MAML3: variants seen among roughly 807,000 people sequenced by gnomAD.
MAML3 encodes the protein mastermind-like protein 3.
A neutral mutation model predicts 101.9 loss-of-function variants in MAML3; 27 were observed. That is an observed-to-expected ratio of 0.27 (90% CI 0.20 to 0.37). The LOEUF is 0.37. Among genes scored for constraint, MAML3 ranks in the 10% least tolerant of loss-of-function variants. The probability of loss-of-function intolerance (pLI) is 1.00; values close to 1 mark genes in which losing one functional copy is unlikely to be tolerated. For missense variants in MAML3, 1,316 were observed against 1,444.9 expected (o/e 0.91, Z 1.45); for synonymous variants, 501 against 555.9 (o/e 0.90, Z 1.39).
intron 3 of MAML3, among the ~76,000 whole-genome samples, chr4:139,726,650 A>G (rs1728484419): frequency 6.6e-6 from 1 of 150,874 alleles, no homozygotes; most frequent in Non-Finnish European, 1.5e-5. Flanking sequence ...TATTCCCATG[A>G]AGCCACACTG....
chr4:140,152,981 C>T lies in MAML3; in HGVS notation c.347G>A (p.Arg116Gln). ...ERRDTVSLYQRTLEQRAKKSG... is the reference protein window; with the variant it reads ...ERRDTVSLYQQTLEQRAKKSG... ...TTTCTTGGCCCTCTGCTCCAGGGTC[C>T]GCTGGTAGAGGCTCACGGTGTCCCG... Residue 116 changes from arginine (R) to glutamine (Q), a missense_variant, in exon 1 of 5, where the codon CGG becomes CAG. Transcript: ENST00000509479. The T allele has an allele frequency of 6.2e-7, 1 of 1,610,476 alleles. No individual in the cohort carries two copies. The highest frequency in any genetic ancestry group is 8.5e-7 in the Non-Finnish European group (1 of 1,178,558).
chr4:139,719,116 C>T lies in MAML3; in HGVS notation c.*207G>A, dbSNP rs763042999. On this transcript the variant is annotated 3_prime_UTR_variant, in exon 5 of 5. Coordinates refer to ENST00000509479, the MANE Select transcript of MAML3 (RefSeq NM_018717.5). ...CGCAGCCGGGATCTGCATGGCGTCT[C>T]ATCTCGATTGCTGTGTGAAAATCAG... 6.9e-6 allele frequency: 4 copies of T among 578,170 alleles called. No individual in the cohort carries two copies. The highest frequency in any genetic ancestry group is 1.2e-5 in the Non-Finnish European group (4 of 340,774). 35.8% of individuals were successfully genotyped at this position (578,170 alleles called of 1,614,324 possible). A position where few individuals can be genotyped will look rare whatever the true frequency, so the allele number is the denominator to read the frequency against.
At chr4:140,057,576 C>T (rs1727370231) in intron 1 of MAML3, among the ~76,000 whole-genome samples, 1 of 152,106 alleles carries the variant, frequency 6.6e-6, no homozygotes, top group Non-Finnish European at 1.5e-5. Flanking sequence ...CTTTCTAAAA[C>T]ATTAGATATT....
At chr4:139,721,639 T>G (rs1400890037) in intron 4 of MAML3, among the ~76,000 whole-genome samples, 2 of 152,212 alleles carry the variant, frequency 1.3e-5, no homozygotes, top group African/African-American at 4.8e-5. Context: ...GAAAGAAAAT[T>G]ACTGGAATTT....
chr4:139,888,712 T>C (rs779003564), intron 2 of MAML3: 18 of 514,670 alleles, frequency 3.5e-5, no homozygotes, highest in Non-Finnish European at 6.2e-5. Context: ...TTTCCTGAAA[T>C]AGAGCTGATT....
At chr4:139,954,647 G>A (rs1010056775) in intron 1 of MAML3, among the ~76,000 whole-genome samples, 17 of 152,174 alleles carry the variant, frequency 1.1e-4, no homozygotes, top group Non-Finnish European at 1.8e-4. Flanking sequence ...TTTATGGAAC[G>A]GGGGTGGATG....
intron 1 of MAML3, among the ~76,000 whole-genome samples, chr4:139,993,337 G>A (rs1486716744): frequency 1.7e-5 from 2 of 120,716 alleles, no homozygotes; most frequent in Non-Finnish European, 3.4e-5. Flanking sequence ...GGGTGACAGA[G>A]TGAGACTCCA....
rs148046922 is a variant in MAML3, at chr4:140,033,287, T to C, written c.468+119573A>G. Among the ~76,000 whole-genome samples the C allele has an allele frequency of 3.9e-4, 59 of 152,202 alleles. 1 individual carries two copies. Among genetic ancestry groups the C allele is most frequent in the Non-Finnish European group, 7.6e-4 (52 of 68,026 alleles). On this transcript the variant is annotated intron_variant, in intron 1 of 4. Transcript: ENST00000509479. The stretch of plus-strand genomic sequence containing the variant: ...AAACATATGAAAAGATGACCATGAA[T>C]AGAGGCCGTAATTAATTTCCAAATA...
At chr4:139,783,748 C>A (rs1386245910) in intron 2 of MAML3, among the ~76,000 whole-genome samples, 1 of 152,144 alleles carries the variant, frequency 6.6e-6, no homozygotes, top group African/African-American at 2.4e-5. Context: ...CTTGTGGCCC[C>A]TTGGAAACCC....
intron 2 of MAML3, chr4:139,888,536 C>T (rs1255304226): frequency 3.9e-6 from 2 of 518,806 alleles, no homozygotes; most frequent in Non-Finnish European, 7.7e-6. Flanking sequence ...GGCTGTTTGC[C>T]ACTGGTCAGG....
chr4:140,011,362 G>T (rs1726559514), intron 1 of MAML3, among the ~76,000 whole-genome samples: 1 of 109,976 alleles, frequency 9.1e-6, no homozygotes, highest in Non-Finnish European at 1.9e-5. Flanking sequence ...TTTTGAGACG[G>T]AGTCTCCCTC....
At chr4:139,861,497 G>A (rs1236937673) in intron 2 of MAML3, among the ~76,000 whole-genome samples, 3 of 152,040 alleles carry the variant, frequency 2.0e-5, no homozygotes, top group East Asian at 1.9e-4. Context: ...GTGTGTGTGT[G>A]TGTGTGTGTG....
intron 2 of MAML3, among the ~76,000 whole-genome samples, chr4:139,797,287 C>T (rs960919242): frequency 4.6e-5 from 7 of 152,098 alleles, no homozygotes; most frequent in African/African-American, 1.4e-4. Flanking sequence ...ACCATCTGAG[C>T]GAACATGTCA....
At chr4:139,752,872 C>T (rs11723008) in intron 2 of MAML3, among the ~76,000 whole-genome samples, 32,607 of 152,102 alleles carry the variant, frequency 0.21, 3,840 homozygotes, top group Admixed American at 0.35. Flanking sequence ...ATGTCATTAG[C>T]TACTTCCTTG....
At chr4:139,858,812 C>T (rs1731715091) in intron 2 of MAML3, among the ~76,000 whole-genome samples, 1 of 152,160 alleles carries the variant, frequency 6.6e-6, no homozygotes. Context: ...ATCCAGGATA[C>T]AATGCCTTCA....
chr4:140,034,520 C>G (rs757295152), intron 1 of MAML3, among the ~76,000 whole-genome samples: 3 of 152,166 alleles, frequency 2.0e-5, no homozygotes, highest in Non-Finnish European at 4.4e-5. Flanking sequence ...TGGGCCCAAC[C>G]TGAGGAGCAC....
At chr4:140,009,087 T>C (rs78220158) in intron 1 of MAML3, among the ~76,000 whole-genome samples, 4,963 of 152,322 alleles carry the variant, frequency 0.033, 233 homozygotes, top group African/African-American at 0.1. Flanking sequence ...GCATGATAGA[T>C]ACCCAACATA....
At chr4:139,888,554 G>C (rs1469180978) in intron 2 of MAML3, 2 of 519,012 alleles carry the variant, frequency 3.9e-6, no homozygotes, top group African/African-American at 3.8e-5. Context: ...AGGATGAAGA[G>C]ACTGAAAAGC....
intron 1 of MAML3, among the ~76,000 whole-genome samples, chr4:139,918,888 G>T (rs17005230): frequency 1.3e-5 from 2 of 152,064 alleles, no homozygotes; most frequent in East Asian, 3.9e-4. Flanking sequence ...AGAGTACCGC[G>T]CATACCTCAG....
Sources: allele counts gnomAD v4.1 joint callset (sites outside exome capture counted in the v4.1 genomes callset), GRCh38; gene constraint gnomAD v4.1.1; transcripts MANE v1.5; gene names NCBI Gene and HGNC (gene_info 2026-07-23, HGNC 2026-07-21).